The following PLCL1 variants were observed in gnomAD, a reference collection of about 807,000 sequenced individuals.
PLCL1 encodes inactive phospholipase C-like protein 1.
In PLCL1, 41 loss-of-function variants were observed where a neutral mutation model predicts 84.4. The ratio of observed to expected loss-of-function variants is 0.49; its 90% CI spans 0.38 to 0.63. PLCL1 has a LOEUF of 0.63. PLCL1 is among the 30% of genes least tolerant of loss of function. The probability of loss-of-function intolerance (pLI) is 0.00; values close to 1 mark genes in which losing one functional copy is unlikely to be tolerated. For missense variants in PLCL1, 1,206 were observed against 1,367.8 expected (o/e 0.88, Z 1.87); for synonymous variants, 490 against 488.3 (o/e 1.00, Z -0.05).
chr2:198,005,086 G>A (rs530367252), intron 1 of PLCL1, among the ~76,000 whole-genome samples: 2 of 152,312 alleles, frequency 1.3e-5, no homozygotes, highest in East Asian at 1.9e-4. Context: ...GTAGGGAGGT[G>A]AGTTTTTAAA....
chr2:198,085,881 A>C lies in PLCL1; in HGVS notation c.2364A>C (p.Leu788=), dbSNP rs779993552. 1.2e-6 allele frequency: 2 copies of C among 1,613,982 alleles called. No homozygotes were observed. Among genetic ancestry groups the C allele is most frequent in the African/African-American group, 2.7e-5 (2 of 74,908 alleles). ...FDETFEFQVN[L]PELAMIRFVV... is the part of the protein sequence containing the mutation. ...AAACTTTTGAGTTCCAAGTAAACCTACCTGAGCTGGCCATGATCCGTTTTG... is the reference window on the plus strand; with the variant it reads ...AAACTTTTGAGTTCCAAGTAAACCTCCCTGAGCTGGCCATGATCCGTTTTG... Residue 788 remains leucine (L), a synonymous_variant, in exon 2 of 6, where the codon CTA becomes CTC. Transcript: ENST00000428675. This position sits in a 1 kb window ranked among gnomAD's most constrained non-coding sequence, Gnocchi z 5.3.
intron 1 of PLCL1, among the ~76,000 whole-genome samples, chr2:197,821,700 C>G (rs1450682401): frequency 6.6e-6 from 1 of 152,082 alleles, no homozygotes; most frequent in African/African-American, 2.4e-5. Flanking sequence ...TCCCACTGGC[C>G]CATTGGCCCA....
At chr2:197,936,970 A>T (rs1036627206) in intron 1 of PLCL1, among the ~76,000 whole-genome samples, 2 of 152,160 alleles carry the variant, frequency 1.3e-5, no homozygotes, top group African/African-American at 4.8e-5. Context: ...TTGGTGTGAG[A>T]TAAAGGTCCA....
chr2:197,950,666 T>C (rs1689371696), intron 1 of PLCL1, among the ~76,000 whole-genome samples: 2 of 152,150 alleles, frequency 1.3e-5, no homozygotes, highest in African/African-American at 4.8e-5. Context: ...GGAGGAAATA[T>C]TTACAATTGC....
At position 197,874,211 on chromosome 2, in the gene PLCL1, T is replaced by A. The variant is rs529856392; in HGVS notation, c.240+68872T>A. On this transcript the variant is annotated intron_variant, in intron 1 of 5. Transcript: ENST00000428675. ...CACAAGTCCTTTCTGGTATTTCAAA[T>A]TTTCCCACTTTTTTAACATCAACTT... Among the ~76,000 whole-genome samples the A allele has an allele frequency of 2.0e-5, 3 of 152,148 alleles. No individual in the cohort carries two copies. The South Asian group carries it at 6.2e-4, about 31-fold the overall frequency.
chr2:197,960,549 C>T (rs890509900), intron 1 of PLCL1, among the ~76,000 whole-genome samples: 1 of 152,062 alleles, frequency 6.6e-6, no homozygotes, highest in Non-Finnish European at 1.5e-5. Context: ...TAGAGCCATA[C>T]TGCAAATACA....
intron 1 of PLCL1, among the ~76,000 whole-genome samples, chr2:198,077,625 C>T (rs1461056731): frequency 1.3e-5 from 2 of 152,140 alleles, no homozygotes; most frequent in African/African-American, 4.8e-5. Context: ...GTACTATGCT[C>T]AAGGTTCTAT....
At chr2:197,982,914 TA>T (rs1234677185) in intron 1 of PLCL1, among the ~76,000 whole-genome samples, 13 of 152,350 alleles carry the variant, frequency 8.5e-5, no homozygotes, top group Non-Finnish European at 1.3e-4. Context: ...TTAATACTTT[TA>T]TTTGTCTAAC....
At chr2:197,898,361 C>T (rs952226421) in intron 1 of PLCL1, among the ~76,000 whole-genome samples, 1 of 152,160 alleles carries the variant, frequency 6.6e-6, no homozygotes, top group Non-Finnish European at 1.5e-5. Context: ...CAGAAAGACA[C>T]CTACCTGCTT....
At chr2:197,819,787 T>C (rs1181960678) in intron 1 of PLCL1, among the ~76,000 whole-genome samples, 1 of 152,048 alleles carries the variant, frequency 6.6e-6, no homozygotes, top group Non-Finnish European at 1.5e-5. Context: ...GTCAAGATCT[T>C]ACAATATCTT....
At chr2:197,879,658 A>C (rs1559033465) in intron 1 of PLCL1, among the ~76,000 whole-genome samples, 2 of 152,158 alleles carry the variant, frequency 1.3e-5, no homozygotes, top group African/African-American at 4.8e-5. Context: ...TTCTAATTTT[A>C]AATGTTCAAT....
chr2:197,974,501 T>G (rs1320710265), intron 1 of PLCL1, among the ~76,000 whole-genome samples: 1 of 152,214 alleles, frequency 6.6e-6, no homozygotes, highest in Non-Finnish European at 1.5e-5. Flanking sequence ...GCAATTAGAA[T>G]AACCACATCA....
At chr2:198,025,956 C>A (rs547841492) in intron 1 of PLCL1, among the ~76,000 whole-genome samples, 20 of 152,282 alleles carry the variant, frequency 1.3e-4, no homozygotes, top group Non-Finnish European at 2.4e-4. Flanking sequence ...ATGAAAACAA[C>A]ATGCAGTTAA....
intron 5 of PLCL1, among the ~76,000 whole-genome samples, chr2:198,117,961 G>C (rs546468530): frequency 6.6e-6 from 1 of 151,792 alleles, no homozygotes; most frequent in Non-Finnish European, 1.5e-5. Flanking sequence ...TTATATGTAT[G>C]CATAGTGTGT....
chr2:197,834,060 T>C (rs915371141), intron 1 of PLCL1, among the ~76,000 whole-genome samples: 1 of 152,142 alleles, frequency 6.6e-6, no homozygotes, highest in African/African-American at 2.4e-5. Flanking sequence ...AAACAAGCAG[T>C]GGGGTAAGAT....
intron 1 of PLCL1, among the ~76,000 whole-genome samples, chr2:198,015,774 A>G (rs1690982364): frequency 6.6e-6 from 1 of 152,132 alleles, no homozygotes; most frequent in South Asian, 2.1e-4. Context: ...CAAATACTGT[A>G]CTCAGAGCAT....
chr2:197,833,448 T>A (rs948298978), intron 1 of PLCL1, among the ~76,000 whole-genome samples: 2 of 152,180 alleles, frequency 1.3e-5, no homozygotes, highest in Non-Finnish European at 2.9e-5. Context: ...CTGCCCAGGA[T>A]CTCCTTAACC....
At chr2:197,876,985 T>C (rs1002715571) in intron 1 of PLCL1, among the ~76,000 whole-genome samples, 1 of 152,156 alleles carries the variant, frequency 6.6e-6, no homozygotes, top group Non-Finnish European at 1.5e-5. Flanking sequence ...GACATTTTTG[T>C]TTTTCAGATA....
intron 1 of PLCL1, among the ~76,000 whole-genome samples, chr2:197,830,438 TTAACTAAATAAAGTGTGAAGACA>T (rs1227735780): frequency 6.6e-6 from 1 of 151,822 alleles, no homozygotes; most frequent in Non-Finnish European, 1.5e-5. Context: ...GCAGATCGAC[TTAACTAAATAAAGTGTGAAGACA>T]AAATTAGAGA....
Sources: gnomAD v4.1 joint callset for allele counts (sites outside exome capture counted in the v4.1 genomes callset) on GRCh38, gnomAD v4.1.1 for gene constraint, Gnocchi (gnomAD v3.1) non-coding constraint, MANE v1.5 for transcripts, NCBI Gene and HGNC (gene_info 2026-07-23, HGNC 2026-07-21) for gene names.